The following CACNA2D3 variants were observed in gnomAD, a reference collection of about 807,000 sequenced individuals.
The protein encoded by CACNA2D3 is calcium voltage-gated channel auxiliary subunit alpha2delta 3, also known as voltage-dependent calcium channel subunit alpha-2/delta-3.
A neutral mutation model predicts 160.6 loss-of-function variants in CACNA2D3; 60 were observed. That is an observed-to-expected ratio of 0.37 (90% CI 0.30 to 0.46). CACNA2D3 has a LOEUF of 0.46. CACNA2D3 is among the 20% of genes least tolerant of loss of function. The probability of loss-of-function intolerance (pLI) is 1.00; values close to 1 mark genes in which losing one functional copy is unlikely to be tolerated. For missense variants in CACNA2D3, 1,205 were observed against 1,365.0 expected (o/e 0.88, Z 1.85); for synonymous variants, 558 against 492.9 (o/e 1.13, Z -1.75).
chr3:54,533,089 T>G (rs951285435), intron 5 of CACNA2D3, among the ~76,000 whole-genome samples: 5 of 152,174 alleles, frequency 3.3e-5, no homozygotes, highest in African/African-American at 1.2e-4. Context: ...TCAGCAGACT[T>G]GCCCTCCTAC....
At chr3:54,764,604 G>A (rs140909001) in intron 13 of CACNA2D3, among the ~76,000 whole-genome samples, 55 of 152,214 alleles carry the variant, frequency 3.6e-4, no homozygotes, top group Admixed American at 7.8e-4. Flanking sequence ...GTCTTTTCTC[G>A]TTACTTCTGT....
At chr3:54,452,961 CT>C (rs1700334169) in intron 4 of CACNA2D3, among the ~76,000 whole-genome samples, 1 of 151,592 alleles carries the variant, frequency 6.6e-6, no homozygotes, top group Admixed American at 6.6e-5. Flanking sequence ...TTTTTTCTTT[CT>C]TTCTTTCCCT....
intron 29 of CACNA2D3, 138 bp downstream of exon 29, chr3:54,969,982 T>C: frequency 1.7e-6 from 1 of 580,798 alleles, no homozygotes; most frequent in South Asian, 2.8e-5. Flanking sequence ...AAAAAAATCA[T>C]TTGCTTTATT....
intron 11 of CACNA2D3, among the ~76,000 whole-genome samples, chr3:54,646,047 G>A (rs1699628426): frequency 6.6e-6 from 1 of 151,696 alleles, no homozygotes; most frequent in African/African-American, 2.4e-5. Context: ...GAAGGGTTTT[G>A]TTTCAAGTCA....
chr3:54,728,068 C>A (rs1001261672), intron 11 of CACNA2D3, among the ~76,000 whole-genome samples: 6 of 151,810 alleles, frequency 4.0e-5, no homozygotes, highest in Non-Finnish European at 7.4e-5. Flanking sequence ...AGAATGTTTT[C>A]TTTTGCATTT....
intron 2 of CACNA2D3, among the ~76,000 whole-genome samples, chr3:54,128,209 G>A (rs942032899): frequency 2.0e-5 from 3 of 152,142 alleles, no homozygotes; most frequent in Non-Finnish European, 4.4e-5. Flanking sequence ...GCAAACACAT[G>A]AATACCAAAC....
Position 54,220,085 on chromosome 3 carries a change from CT to C in CACNA2D3, c.204+96493del, listed in dbSNP as rs554290605. The stretch of plus-strand genomic sequence containing the variant: ...TTTCAAGCAACGTTTTGATTGAGAA[CT>C]TCCATACAAAGGACTGCTTAAAATA... On this transcript the variant is annotated intron_variant, in intron 2 of 37. Transcript: ENST00000474759. Among the ~76,000 whole-genome samples the C allele has an allele frequency of 1.2e-4, 19 of 152,094 alleles. No individual in the cohort carries two copies. The East Asian group carries it at 3.7e-3, about 29-fold the overall frequency.
intron 5 of CACNA2D3, among the ~76,000 whole-genome samples, chr3:54,527,927 T>G (rs987855471): frequency 6.6e-6 from 1 of 152,222 alleles, no homozygotes; most frequent in South Asian, 2.1e-4. Context: ...CTATATGCCC[T>G]TAGGACCAAT....
intron 27 of CACNA2D3, among the ~76,000 whole-genome samples, chr3:54,914,662 G>A (rs975874155): frequency 9.9e-5 from 15 of 152,208 alleles, no homozygotes; most frequent in Non-Finnish European, 1.9e-4. Flanking sequence ...TCTGAATGGG[G>A]TAGGGGTTTC....
At chr3:54,170,615 T>C (rs908586086) in intron 2 of CACNA2D3, among the ~76,000 whole-genome samples, 1 of 152,152 alleles carries the variant, frequency 6.6e-6, no homozygotes, top group African/African-American at 2.4e-5. Context: ...CCTCCCTGAC[T>C]ACCTCCCTCC....
At chr3:54,688,078 G>A (rs1400877781) in intron 11 of CACNA2D3, among the ~76,000 whole-genome samples, 2 of 152,040 alleles carry the variant, frequency 1.3e-5, no homozygotes, top group African/African-American at 4.8e-5. Flanking sequence ...CTTTCATGTT[G>A]TATAAGCAAC....
At chr3:54,242,718 CAATTTAAAATGTATG>C (rs1701995771) in intron 2 of CACNA2D3, among the ~76,000 whole-genome samples, 1 of 152,138 alleles carries the variant, frequency 6.6e-6, no homozygotes, top group Non-Finnish European at 1.5e-5. Context: ...GAATAGCGCA[CAATTTAAAATGTATG>C]AATTGTTTAT....
intron 13 of CACNA2D3, among the ~76,000 whole-genome samples, chr3:54,812,003 T>A (rs1703332289): frequency 1.3e-5 from 2 of 152,236 alleles, no homozygotes; most frequent in South Asian, 4.1e-4. Flanking sequence ...GGATAGCATG[T>A]CACAGCTGTC....
chr3:54,472,652 A>G (rs930055730), intron 4 of CACNA2D3, among the ~76,000 whole-genome samples: 1 of 152,226 alleles, frequency 6.6e-6, no homozygotes, highest in African/African-American at 2.4e-5. Flanking sequence ...ATCTCAGCCC[A>G]AAATCTCCTT....
At chr3:54,782,537 G>C (rs540401394) in intron 13 of CACNA2D3, among the ~76,000 whole-genome samples, 7 of 152,038 alleles carry the variant, frequency 4.6e-5, no homozygotes, top group African/African-American at 1.7e-4. Context: ...GCCAAGTTCT[G>C]ACACTCTCCA....
At chr3:54,939,998 C>G (rs894732682) in intron 27 of CACNA2D3, among the ~76,000 whole-genome samples, 1 of 152,158 alleles carries the variant, frequency 6.6e-6, no homozygotes, top group East Asian at 1.9e-4. Flanking sequence ...TCTAGGACTC[C>G]CATCTGAGCA....
intron 28 of CACNA2D3, among the ~76,000 whole-genome samples, chr3:54,969,035 C>T (rs753748422): frequency 1.3e-5 from 2 of 152,042 alleles, no homozygotes; most frequent in Non-Finnish European, 2.9e-5. Context: ...TAGAAAGGGC[C>T]ACTGATAAGT....
chr3:54,859,401 G>T (rs781375671), intron 17 of CACNA2D3, among the ~76,000 whole-genome samples: 16 of 152,184 alleles, frequency 1.1e-4, no homozygotes, highest in Non-Finnish European at 2.9e-5. Context: ...TCTCCCAGGT[G>T]CCATTTTTAC....
chr3:54,294,599 A>C (rs918185542), intron 2 of CACNA2D3, among the ~76,000 whole-genome samples: 1 of 152,168 alleles, frequency 6.6e-6, no homozygotes, highest in Non-Finnish European at 1.5e-5. Context: ...CACGCTTTGC[A>C]TGAAGTCTGT....
Sources: allele counts gnomAD v4.1 joint callset (sites outside exome capture counted in the v4.1 genomes callset), GRCh38; gene constraint gnomAD v4.1.1; transcripts MANE v1.5; gene names NCBI Gene and HGNC (gene_info 2026-07-23, HGNC 2026-07-21).